BABAM2: variants seen among roughly 807,000 people sequenced by gnomAD.
The protein encoded by BABAM2 is BRISC and BRCA1-A complex member 2.
In BABAM2, 31 loss-of-function variants were observed where a neutral mutation model predicts 54.7. The observed-to-expected ratio is 0.57, with a 90% CI of 0.43 to 0.77. The LOEUF (loss-of-function observed/expected upper bound fraction) is 0.77, where lower values mean the gene tolerates loss of function less well. Ranked by LOEUF, BABAM2 falls within the 30% of genes least tolerant of loss-of-function variation. The pLI is 0.00. For synonymous variants in BABAM2, 167 were observed against 162.9 expected (o/e 1.03, Z -0.19); for missense variants, 364 against 455.8 (o/e 0.80, Z 1.83).
intron 11 of BABAM2, chr2:28,308,189 C>T: frequency 3.1e-6 from 1 of 322,222 alleles, no homozygotes; most frequent in Non-Finnish European, 6.1e-6. Context: ...AAAGTTCTTG[C>T]CCCTCCCAAA....
rs1260606195 is a variant in BABAM2, at chr2:27,995,938, A to G, written c.300+7851A>G. 6.6e-6 allele frequency among the ~76,000 whole-genome samples: 1 copy of G among 152,086 alleles called. No individual in the cohort carries two copies. The highest frequency in any genetic ancestry group is 1.5e-5 in the Non-Finnish European group (1 of 68,012). Reference sequence around the variant, plus strand: ...TTCAGTTTTACAATTCTATTTGATTATTTTCTGTAAATTCCAATTATCTGG... The same window carrying G: ...TTCAGTTTTACAATTCTATTTGATTGTTTTCTGTAAATTCCAATTATCTGG... On this transcript the variant is annotated intron_variant, in intron 4 of 11. Transcript: ENST00000379624. This position sits in a 1 kb window ranked among gnomAD's most constrained non-coding sequence, Gnocchi z 4.1.
At chr2:28,194,903 C>T (rs1408308347) in intron 7 of BABAM2, among the ~76,000 whole-genome samples, 1 of 152,148 alleles carries the variant, frequency 6.6e-6, no homozygotes, top group Non-Finnish European at 1.5e-5. Flanking sequence ...GCCATGTTGG[C>T]CAGCCTGGTC....
At chr2:28,155,087 A>G (rs1303972880) in intron 7 of BABAM2, among the ~76,000 whole-genome samples, 1 of 152,178 alleles carries the variant, frequency 6.6e-6, no homozygotes, top group Non-Finnish European at 1.5e-5. Context: ...AGAAAAATAA[A>G]ATTGAAGTTT....
rs184634505 is a variant in BABAM2, at chr2:28,273,191, A to G, written c.935-25147A>G. On this transcript the variant is annotated intron_variant, in intron 10 of 11. Coordinates refer to ENST00000379624, the MANE Select transcript of BABAM2 (RefSeq NM_199191.3). ...ATGAACTGAGGCTTCAGCCCTTGGA[A>G]TGATGTCTCATTTGCCCGTCTCTTT... 1.3e-3 allele frequency among the ~76,000 whole-genome samples: 195 copies of G among 152,290 alleles called. 4 individuals are homozygous for G. In the East Asian group the frequency reaches 0.03, roughly 23 times the overall value.
chr2:28,125,498 G>T (rs992080215), intron 6 of BABAM2, among the ~76,000 whole-genome samples: 1 of 151,986 alleles, frequency 6.6e-6, no homozygotes, highest in African/African-American at 2.4e-5. Context: ...TTACCGTGTT[G>T]GCCAGGCTGG....
At chr2:28,199,517 A>C (rs1361271092) in intron 7 of BABAM2, among the ~76,000 whole-genome samples, 1 of 152,160 alleles carries the variant, frequency 6.6e-6, no homozygotes, top group Non-Finnish European at 1.5e-5. Flanking sequence ...AAATTTTTTG[A>C]ATGATTATTA....
intron 11 of BABAM2, among the ~76,000 whole-genome samples, chr2:28,305,420 T>C (rs1688439495): frequency 6.6e-6 from 1 of 152,206 alleles, no homozygotes; most frequent in Non-Finnish European, 1.5e-5. Context: ...TCCTGTTTTA[T>C]ATTATTAAAT....
At chr2:28,239,502 A>G (rs1016652464) in intron 8 of BABAM2, among the ~76,000 whole-genome samples, 1 of 152,154 alleles carries the variant, frequency 6.6e-6, no homozygotes, top group African/African-American at 2.4e-5. Context: ...TGAGTTTGCA[A>G]TTTTTTTATA....
At chr2:27,895,242 G>A (rs890059876) in intron 2 of BABAM2, among the ~76,000 whole-genome samples, 1 of 151,952 alleles carries the variant, frequency 6.6e-6, no homozygotes, top group East Asian at 1.9e-4. Context: ...ATTGTTAATT[G>A]TTCTACAGGT....
At chr2:28,076,242 C>A (rs1373828258) in intron 6 of BABAM2, among the ~76,000 whole-genome samples, 1 of 151,846 alleles carries the variant, frequency 6.6e-6, no homozygotes, top group Non-Finnish European at 1.5e-5. Context: ...CCACTGTACT[C>A]CAGCCTGGGT....
chr2:28,008,466 T>C (rs944217602), intron 4 of BABAM2, among the ~76,000 whole-genome samples: 1 of 152,104 alleles, frequency 6.6e-6, no homozygotes, highest in Admixed American at 6.6e-5. Flanking sequence ...CAGTTGGAAT[T>C]GGTGGGGATT....
chr2:28,328,428 G>C (rs886570637), intron 11 of BABAM2, among the ~76,000 whole-genome samples: 3 of 152,164 alleles, frequency 2.0e-5, no homozygotes, highest in African/African-American at 7.2e-5. Context: ...CCTCTGACTT[G>C]ATTTATGCCC....
rs144085754 is a variant in BABAM2, at chr2:28,102,664, A to C, written c.571-26607A>C. Reference sequence around the variant, plus strand: ...TCAGTTACAGTAGGTAGGATGCAGGAAAACAGTGTCTTCCACTTTGGGGTC... The same window carrying C: ...TCAGTTACAGTAGGTAGGATGCAGGCAAACAGTGTCTTCCACTTTGGGGTC... On this transcript the variant is annotated intron_variant, in intron 6 of 11. Coordinates refer to ENST00000379624, the MANE Select transcript of BABAM2 (RefSeq NM_199191.3). Among the ~76,000 whole-genome samples the C allele has an allele frequency of 5.2e-3, 798 of 152,348 alleles. 7 individuals are homozygous for C. Among genetic ancestry groups the C allele is most frequent in the Non-Finnish European group, 5.1e-3 (349 of 68,036 alleles).
intron 7 of BABAM2, among the ~76,000 whole-genome samples, chr2:28,190,278 C>T (rs987512349): frequency 1.1e-4 from 16 of 152,162 alleles, no homozygotes; most frequent in African/African-American, 3.9e-4. Flanking sequence ...GTTTTGGAGA[C>T]TGGGAAGTCC....
intron 7 of BABAM2, among the ~76,000 whole-genome samples, chr2:28,171,335 T>A (rs1194148502): frequency 6.6e-6 from 1 of 152,208 alleles, no homozygotes; most frequent in Non-Finnish European, 1.5e-5. Flanking sequence ...CACATCCTGA[T>A]AATACCTGAT....
intron 2 of BABAM2, among the ~76,000 whole-genome samples, chr2:27,915,005 T>C (rs1296303160): frequency 6.6e-6 from 1 of 152,094 alleles, no homozygotes; most frequent in Non-Finnish European, 1.5e-5. Flanking sequence ...ATCTTGATAT[T>C]CTTCTCTTTG....
chr2:28,192,224 CGG>C (rs1382751490), intron 7 of BABAM2, among the ~76,000 whole-genome samples: 7 of 151,772 alleles, frequency 4.6e-5, no homozygotes, highest in African/African-American at 1.7e-4. Flanking sequence ...TTAGTAGAGA[CGG>C]GGTTTCACCA....
At chr2:28,048,215 G>C (rs1677742779) in intron 6 of BABAM2, among the ~76,000 whole-genome samples, 1 of 152,182 alleles carries the variant, frequency 6.6e-6, no homozygotes, top group Non-Finnish European at 1.5e-5. Flanking sequence ...TTGCTACAAT[G>C]ACATTTCATT....
chr2:27,903,973 G>A (rs575087339), intron 2 of BABAM2, among the ~76,000 whole-genome samples: 4 of 152,124 alleles, frequency 2.6e-5, no homozygotes, highest in African/African-American at 9.6e-5. Flanking sequence ...GTGCTTTCCC[G>A]AAGCACTTTA....
Sources: allele counts gnomAD v4.1 joint callset (sites outside exome capture counted in the v4.1 genomes callset), GRCh38; gene constraint gnomAD v4.1.1; non-coding constraint Gnocchi (gnomAD v3.1); transcripts MANE v1.5; gene names NCBI Gene and HGNC (gene_info 2026-07-23, HGNC 2026-07-21).